DAAM1: variants seen among roughly 807,000 people sequenced by gnomAD.
DAAM1 encodes dishevelled associated activator of morphogenesis 1.
In DAAM1, 52 loss-of-function variants were observed where a neutral mutation model predicts 130.0. That is an observed-to-expected ratio of 0.40 (90% CI 0.32 to 0.50). The LOEUF (loss-of-function observed/expected upper bound fraction) is 0.50, where lower values mean the gene tolerates loss of function less well. Among genes scored for constraint, DAAM1 ranks in the 20% least tolerant of loss-of-function variants. The probability of loss-of-function intolerance (pLI) is 0.61; values close to 1 mark genes in which losing one functional copy is unlikely to be tolerated. For synonymous variants in DAAM1, 452 were observed against 444.5 expected (o/e 1.02, Z -0.21); for missense variants, 1,134 against 1,303.8 (o/e 0.87, Z 2.01).
At chr14:59,300,745 C>G (rs912752769) in intron 3 of DAAM1, among the ~76,000 whole-genome samples, 1 of 152,080 alleles carries the variant, frequency 6.6e-6, no homozygotes, top group African/African-American at 2.4e-5. Flanking sequence ...CTTTTACTTA[C>G]CCATATATTT....
intron 15 of DAAM1, among the ~76,000 whole-genome samples, chr14:59,336,202 G>T (rs1236742612): frequency 6.6e-6 from 1 of 152,076 alleles, no homozygotes; most frequent in South Asian, 2.1e-4. Flanking sequence ...TAAAAGTTAT[G>T]ATTATCTGTG....
intron 2 of DAAM1, among the ~76,000 whole-genome samples, chr14:59,278,975 G>C (rs61986053): frequency 0.09 from 13,654 of 152,020 alleles, 704 homozygotes; most frequent in South Asian, 0.21. Flanking sequence ...TATATACAAA[G>C]CTGTATTTTT....
At chr14:59,196,014 G>A (rs1887878723) in intron 1 of DAAM1, among the ~76,000 whole-genome samples, 1 of 152,160 alleles carries the variant, frequency 6.6e-6, no homozygotes, top group African/African-American at 2.4e-5. Flanking sequence ...GGAAAACCCT[G>A]TAAGTGAGAG....
chr14:59,282,587 G>C (rs894029191), intron 2 of DAAM1, among the ~76,000 whole-genome samples: 3 of 152,124 alleles, frequency 2.0e-5, no homozygotes, highest in Non-Finnish European at 4.4e-5. Context: ...TTGCCTACCT[G>C]TGTTGACAGA....
intron 1 of DAAM1, among the ~76,000 whole-genome samples, chr14:59,210,483 A>T (rs1888393990): frequency 6.6e-6 from 1 of 151,296 alleles, no homozygotes; most frequent in South Asian, 2.1e-4. Context: ...AGCACTTTTC[A>T]TAAATATAAT....
rs1222102620 is a variant in DAAM1 at position 59,370,879 on chromosome 14, A to T, written c.*2020A>T. The stretch of plus-strand genomic sequence containing the variant: ...TAAATTTGGTCTGGCTCAGTTTTGG[A>T]ACTGTATTTTGAAAATGGCTTTGTC... On this transcript the variant is annotated 3_prime_UTR_variant, in exon 25 of 25. Transcript: ENST00000360909. 2 of 151,998 alleles carry T rather than the reference A, an allele frequency of 1.3e-5. No homozygotes were observed. The highest frequency in any genetic ancestry group is 6.6e-5 in the Admixed American group (1 of 15,252). The allele number at this position is 151,998 out of a possible 1,614,324, so 9.4% of individuals were successfully genotyped here. A position where few individuals can be genotyped will look rare whatever the true frequency, so the allele number is the denominator to read the frequency against.
intron 1 of DAAM1, among the ~76,000 whole-genome samples, chr14:59,225,701 C>T (rs1888919561): frequency 7.2e-6 from 1 of 139,302 alleles, no homozygotes; most frequent in Non-Finnish European, 1.6e-5. Flanking sequence ...TGATTTGAGG[C>T]TGTCCTTGGG....
intron 15 of DAAM1, among the ~76,000 whole-genome samples, chr14:59,339,593 G>C (rs144646091): frequency 3.3e-5 from 5 of 152,286 alleles, no homozygotes; most frequent in Non-Finnish European, 7.4e-5. Flanking sequence ...GCTTCCTGTT[G>C]TACATGAAGA....
chr14:59,250,720 G>A (rs772630659), intron 1 of DAAM1, among the ~76,000 whole-genome samples: 26 of 152,212 alleles, frequency 1.7e-4, no homozygotes, highest in Middle Eastern at 6.8e-3. Context: ...CATCTTGTGC[G>A]TGCTAAGCAC....
rs1266498681 is a variant in DAAM1, at chr14:59,370,130, C to CTGTT, written c.*1272_*1275dup. ...TAAATTATGTGATATATAAAGAGGA[C>CTGTT]TGTTACTTTTTTACTTTTTTTTTTT... is the stretch of plus-strand genomic sequence containing the variant. On this transcript the variant is annotated 3_prime_UTR_variant, in exon 25 of 25. Coordinates refer to ENST00000360909, the MANE Select transcript of DAAM1 (RefSeq NM_001270520.2). 7.6e-6 allele frequency: 1 copy of CTGTT among 131,704 alleles called. No individual in the cohort carries two copies. Among genetic ancestry groups the CTGTT allele is most frequent in the Non-Finnish European group, 1.6e-5 (1 of 63,850 alleles). The allele number at this position is 131,704 out of a possible 1,614,324, so 8.2% of individuals were successfully genotyped here.
intron 16 of DAAM1, among the ~76,000 whole-genome samples, chr14:59,346,963 G>C (rs956930871): frequency 1.1e-4 from 16 of 152,062 alleles, no homozygotes; most frequent in African/African-American, 3.9e-4. Context: ...TGTGGTTACT[G>C]TCGTTTTTTA....
At chr14:59,361,215 C>T (rs1298225144) in intron 22 of DAAM1, among the ~76,000 whole-genome samples, 4 of 152,178 alleles carry the variant, frequency 2.6e-5, no homozygotes, top group South Asian at 2.1e-4. Context: ...TGTTCACTTT[C>T]GGTAGAGCAG....
chr14:59,235,430 T>C (rs1333242648), intron 1 of DAAM1, among the ~76,000 whole-genome samples: 3 of 152,220 alleles, frequency 2.0e-5, no homozygotes, highest in Non-Finnish European at 2.9e-5. Flanking sequence ...TTTATTTGCA[T>C]AGAGGTGTTT....
chr14:59,347,995 A>AT (rs1007763055), intron 17 of DAAM1, among the ~76,000 whole-genome samples: 1 of 151,378 alleles, frequency 6.6e-6, no homozygotes, highest in African/African-American at 2.5e-5. Context: ...ACAAAAACTG[A>AT]TTCATTACTA....
intron 2 of DAAM1, among the ~76,000 whole-genome samples, chr14:59,277,026 A>G (rs117420433): frequency 0.02 from 3,001 of 152,318 alleles, 64 homozygotes; most frequent in Non-Finnish European, 0.033. Flanking sequence ...GACTTCTCTT[A>G]TTAGCCAAAA....
At chr14:59,297,446 G>C (rs1299889675) in intron 3 of DAAM1, among the ~76,000 whole-genome samples, 1 of 152,164 alleles carries the variant, frequency 6.6e-6, no homozygotes, top group Non-Finnish European at 1.5e-5. Flanking sequence ...CTTAGAGGAG[G>C]ATAGCTACAC....
At chr14:59,220,242 AATT>A (rs1888728464) in intron 1 of DAAM1, among the ~76,000 whole-genome samples, 2 of 152,176 alleles carry the variant, frequency 1.3e-5, no homozygotes, top group South Asian at 4.1e-4. Context: ...AATGGAACTT[AATT>A]AAACTTTAAG....
chr14:59,285,203 G>A (rs1055675172), intron 2 of DAAM1, among the ~76,000 whole-genome samples: 3 of 152,014 alleles, frequency 2.0e-5, no homozygotes, highest in Non-Finnish European at 2.9e-5. Context: ...CATATCCTGC[G>A]AAACTAAGCT....
At chr14:59,303,150 C>T (rs1241101031) in intron 3 of DAAM1, among the ~76,000 whole-genome samples, 1 of 152,160 alleles carries the variant, frequency 6.6e-6, no homozygotes, top group Non-Finnish European at 1.5e-5. Flanking sequence ...AACCCCTTGC[C>T]TGTGTGTGTT....
Sources: allele counts gnomAD v4.1 joint callset (sites outside exome capture counted in the v4.1 genomes callset), GRCh38; gene constraint gnomAD v4.1.1; transcripts MANE v1.5; gene names NCBI Gene and HGNC (gene_info 2026-07-23, HGNC 2026-07-21).